The following ADGRL3 variants were observed in gnomAD, a reference collection of about 807,000 sequenced individuals.
ADGRL3 encodes the protein adhesion G protein-coupled receptor L3.
A neutral mutation model predicts 153.5 loss-of-function variants in ADGRL3; 62 were observed. The observed-to-expected ratio is 0.40, with a 90% confidence interval of 0.33 to 0.50. The LOEUF (loss-of-function observed/expected upper bound fraction) is 0.50, where lower values mean the gene tolerates loss of function less well. Among genes scored for constraint, ADGRL3 ranks in the 20% least tolerant of loss-of-function variants. The pLI is 0.47. For synonymous variants in ADGRL3, 710 were observed against 672.5 expected (o/e 1.06, Z -0.86); for missense variants, 1,641 against 1,859.4 (o/e 0.88, Z 2.16).
chr4:61,563,869 G>A (rs4449443), intron 4 of ADGRL3, among the ~76,000 whole-genome samples: 7,331 of 152,112 alleles, frequency 0.048, 481 homozygotes, highest in African/African-American at 0.15. Flanking sequence ...TTAGCTGGGC[G>A]TGGTGGTGCG....
At chr4:61,466,138 A>AAAAT (rs891197039) in intron 2 of ADGRL3, among the ~76,000 whole-genome samples, 15 of 152,194 alleles carry the variant, frequency 9.9e-5, no homozygotes, top group African/African-American at 3.1e-4. Context: ...ATAAATAAAT[A>AAAAT]AAATAAATAA....
In ADGRL3 at chr4:61,377,419, C is replaced by A. The variant is rs539223021; in HGVS notation, c.-239-5705C>A. On this transcript the variant is annotated intron_variant, in intron 1 of 26. Transcript: ENST00000683033. ...TCTCTGGATTTTCTGCATTTTTTCC[C>A]CTAATAATAACCTGTGAGTTTCCTT... Among the ~76,000 whole-genome samples, 24 of 152,054 alleles carry A rather than the reference C, an allele frequency of 1.6e-4. No individual in the cohort carries two copies. In the South Asian group the frequency reaches 4.8e-3, roughly 30 times the overall value.
At chr4:61,642,313 T>C (rs1349185949) in intron 5 of ADGRL3, among the ~76,000 whole-genome samples, 1 of 152,248 alleles carries the variant, frequency 6.6e-6, no homozygotes, top group Non-Finnish European at 1.5e-5. Flanking sequence ...TTGTCAATTC[T>C]GGCTTTGGTT....
At chr4:61,818,765 A>G (rs961327093) in intron 9 of ADGRL3, among the ~76,000 whole-genome samples, 3 of 152,188 alleles carry the variant, frequency 2.0e-5, no homozygotes, top group African/African-American at 7.2e-5. Flanking sequence ...GAGGAATTAT[A>G]TAAATTCCTC....
chr4:61,904,809 C>A (rs2098687769), intron 11 of ADGRL3, among the ~76,000 whole-genome samples: 1 of 152,010 alleles, frequency 6.6e-6, no homozygotes, highest in Admixed American at 6.5e-5. Flanking sequence ...TACTTGTATC[C>A]TTCGTTTTGA....
At chr4:62,040,855 A>G (rs1329483629) in intron 24 of ADGRL3, among the ~76,000 whole-genome samples, 1 of 152,114 alleles carries the variant, frequency 6.6e-6, no homozygotes, top group Non-Finnish European at 1.5e-5. Context: ...TTTGGAAGTG[A>G]TACTTATGCC....
At chr4:61,845,055 A>T (rs2098098476) in intron 9 of ADGRL3, among the ~76,000 whole-genome samples, 1 of 152,172 alleles carries the variant, frequency 6.6e-6, no homozygotes, top group Non-Finnish European at 1.5e-5. Context: ...TTTCCTGTTT[A>T]TATTCACTTT....
chr4:61,689,215 A>T (rs564793160), intron 6 of ADGRL3, among the ~76,000 whole-genome samples: 1 of 151,974 alleles, frequency 6.6e-6, no homozygotes, highest in East Asian at 1.9e-4. Flanking sequence ...GTACTAGTTG[A>T]TTTCCCTCCA....
chr4:61,500,029 C>CAG (rs10673228), intron 3 of ADGRL3, among the ~76,000 whole-genome samples: 48,860 of 140,144 alleles, frequency 0.35, 8,494 homozygotes, highest in African/African-American at 0.44. Context: ...CACACAGAAA[C>CAG]AGAGAGAGAG....
chr4:61,603,444 C>A (rs1220643083), intron 5 of ADGRL3, among the ~76,000 whole-genome samples: 2 of 152,088 alleles, frequency 1.3e-5, no homozygotes, highest in Non-Finnish European at 2.9e-5. Flanking sequence ...GAGCTCTTTC[C>A]AAATATATAT....
intron 5 of ADGRL3, among the ~76,000 whole-genome samples, chr4:61,638,233 G>A (rs947600155): frequency 6.6e-6 from 1 of 152,148 alleles, no homozygotes; most frequent in Admixed American, 6.5e-5. Context: ...AGTGATGCAT[G>A]CAACAAAATG....
Position 61,291,603 on chromosome 4 carries a change from TACAC to T in ADGRL3, c.-240+89844_-240+89847del, listed in dbSNP as rs1177747477. 4.7e-3 allele frequency among the ~76,000 whole-genome samples: 50 copies of T among 10,574 alleles called. No individual in the cohort carries two copies. In the East Asian group the frequency reaches 0.052, roughly 11 times the overall value. The allele number at this position is 10,574 out of a possible 152,430, so 6.9% of individuals were successfully genotyped here. On this transcript the variant is annotated intron_variant, in intron 1 of 26. Coordinates refer to ENST00000683033, the MANE Select transcript of ADGRL3 (RefSeq NM_001387552.1). ...ATATACATATATATATATATATATATACACACACATATATATATATATAAAATAT... is the reference window on the plus strand; with the variant it reads ...ATATACATATATATATATATATATATACACATATATATATATATAAAATAT...
At chr4:61,254,875 A>AT (rs2091809411) in intron 1 of ADGRL3, among the ~76,000 whole-genome samples, 1 of 151,748 alleles carries the variant, frequency 6.6e-6, no homozygotes, top group South Asian at 2.1e-4. Flanking sequence ...TTTCCAGTTT[A>AT]TTTTTTGTCT....
chr4:61,704,083 T>TA (rs1451062928), intron 6 of ADGRL3, among the ~76,000 whole-genome samples: 1 of 152,242 alleles, frequency 6.6e-6, no homozygotes, highest in Non-Finnish European at 1.5e-5. Context: ...GGCAACTTAT[T>TA]ACTTGCTGAA....
At chr4:61,234,870 C>T (rs1752237852) in intron 1 of ADGRL3, among the ~76,000 whole-genome samples, 1 of 152,042 alleles carries the variant, frequency 6.6e-6, no homozygotes, top group African/African-American at 2.4e-5. Flanking sequence ...TGGCAGTGTG[C>T]AAATAAGAAT....
In ADGRL3 at chr4:61,856,984, CTT is replaced by C. The variant is rs1561368120; in HGVS notation, c.1481-35670_1481-35669del. 2.0e-3 allele frequency among the ~76,000 whole-genome samples: 236 copies of C among 115,626 alleles called. 1 individual carries two copies. Among genetic ancestry groups the C allele is most frequent in the African/African-American group, 6.6e-3 (206 of 31,202 alleles). The allele number at this position is 115,626 out of a possible 152,430, so 75.9% of individuals were successfully genotyped here. ...TCTTTCTTTCTTTCTTTCTTTCTTTCTTTCTTTCTTTCTTTCTTTCTTTCTTT... is the reference window on the plus strand; with the variant it reads ...TCTTTCTTTCTTTCTTTCTTTCTTTCTCTTTCTTTCTTTCTTTCTTTCTTT... On this transcript the variant is annotated intron_variant, in intron 9 of 26. Coordinates refer to ENST00000683033, the MANE Select transcript of ADGRL3 (RefSeq NM_001387552.1).
chr4:61,853,868 T>A (rs1331261090), intron 9 of ADGRL3, among the ~76,000 whole-genome samples: 1 of 152,218 alleles, frequency 6.6e-6, no homozygotes, highest in Non-Finnish European at 1.5e-5. Context: ...TGAGGTGTAA[T>A]GATTCCCTAA....
At chr4:61,742,569 C>A (rs970957585) in intron 8 of ADGRL3, among the ~76,000 whole-genome samples, 6 of 152,030 alleles carry the variant, frequency 3.9e-5, no homozygotes, top group African/African-American at 1.4e-4. Flanking sequence ...CGTGAGACAC[C>A]GCACCCGGCC....
chr4:61,561,454 A>C (rs930886167), intron 4 of ADGRL3, among the ~76,000 whole-genome samples: 3 of 152,172 alleles, frequency 2.0e-5, no homozygotes, highest in Non-Finnish European at 4.4e-5. Flanking sequence ...CTGTTTCCTG[A>C]CCAAAGCTTC....
Sources: gnomAD v4.1 joint callset for allele counts (sites outside exome capture counted in the v4.1 genomes callset) on GRCh38, gnomAD v4.1.1 for gene constraint, MANE v1.5 for transcripts, NCBI Gene and HGNC (gene_info 2026-07-23, HGNC 2026-07-21) for gene names.